RMST: variants seen among roughly 807,000 people sequenced by gnomAD.
The protein encoded by RMST is rhabdomyosarcoma 2 associated transcript.
At chr12:97,488,388 T>G (rs1249046703) in intron 5 of RMST, among the ~76,000 whole-genome samples, 4 of 152,310 alleles carry the variant, frequency 2.6e-5, no homozygotes, top group African/African-American at 9.6e-5. Flanking sequence ...GTTTTCAGTC[T>G]ACTCTCTTTG....
At chr12:97,505,903 A>T (rs1878610284) in intron 10 of RMST, among the ~76,000 whole-genome samples, 1 of 152,294 alleles carries the variant, frequency 6.6e-6, no homozygotes, top group Middle Eastern at 3.4e-3. Context: ...GTACCTGAAA[A>T]CCAGTTTATT....
At chr12:97,480,235 GCCCACCA>G (rs1482373909) in intron 5 of RMST, among the ~76,000 whole-genome samples, 1 of 151,576 alleles carries the variant, frequency 6.6e-6, no homozygotes, top group Admixed American at 6.6e-5. Context: ...GACTACAGGC[GCCCACCA>G]CCACGCCTGG....
At chr12:97,519,883 G>A (rs1430432458) in intron 10 of RMST, among the ~76,000 whole-genome samples, 1 of 152,126 alleles carries the variant, frequency 6.6e-6, no homozygotes, top group Non-Finnish European at 1.5e-5. Flanking sequence ...AATTTTCTGA[G>A]AATGGAAAAC....
At position 97,546,561 on chromosome 12, in the gene RMST, G is replaced by A. The variant is rs191389982; in HGVS notation, n.1546-13976G>A. 1.7e-3 allele frequency among the ~76,000 whole-genome samples: 254 copies of A among 152,124 alleles called. 2 individuals carry two copies. The highest frequency in any genetic ancestry group is 6.8e-3 in the Middle Eastern group (2 of 294). On this transcript the variant is annotated intron_variant and non_coding_transcript_variant, in intron 11 of 13. Transcript: ENST00000640149. ...CTCACCACTGCACTCCAGCCTGGGT[G>A]ACAGAACAAGACTCCATCTTGTAAG... is the stretch of plus-strand genomic sequence containing the variant.
chr12:97,472,160 G>T (rs1447071071), intron 5 of RMST, among the ~76,000 whole-genome samples: 1 of 152,052 alleles, frequency 6.6e-6, no homozygotes, highest in Non-Finnish European at 1.5e-5. Context: ...ATCTTTAAAA[G>T]AAATTCCATT....
At position 97,535,977 on chromosome 12, in the gene RMST, T is replaced by TTA. The variant is rs1468534936; in HGVS notation, n.1545+5118_1545+5119insTA. ...GCTTTTTAAAAAATTGTCTTTAAAA[T>TTA]GCTTGTGTTTACCTATCTTTCTTTT... is the stretch of plus-strand genomic sequence containing the variant. On this transcript the variant is annotated intron_variant and non_coding_transcript_variant, in intron 11 of 13. Transcript: ENST00000640149. Among the ~76,000 whole-genome samples, 113 of 151,728 alleles carry TTA rather than the reference T, an allele frequency of 7.4e-4. No individual in the cohort carries two copies. The South Asian group carries it at 0.022, about 29-fold the overall frequency.
chr12:97,518,082 G>C (rs1321147284), intron 10 of RMST, among the ~76,000 whole-genome samples: 1 of 152,080 alleles, frequency 6.6e-6, no homozygotes, highest in Non-Finnish European at 1.5e-5. Flanking sequence ...GGTTAGAATT[G>C]AGTAAGACCT....
chr12:97,554,921 G>A (rs911271325), intron 11 of RMST, among the ~76,000 whole-genome samples: 1 of 152,300 alleles, frequency 6.6e-6, no homozygotes. Context: ...GCTGGCATGT[G>A]ATATGAAAGC....
intron 5 of RMST, among the ~76,000 whole-genome samples, chr12:97,482,695 T>TAAA (rs1565919209): frequency 1.4e-5 from 1 of 71,732 alleles, no homozygotes; most frequent in African/African-American, 8.0e-5. Flanking sequence ...TTATTATTTA[T>TAAA]TTAATAAATA....
At chr12:97,510,587 CTTAG>C (rs1879172399) in intron 10 of RMST, among the ~76,000 whole-genome samples, 1 of 152,154 alleles carries the variant, frequency 6.6e-6, no homozygotes, top group South Asian at 2.1e-4. Flanking sequence ...ACAGTAGAAT[CTTAG>C]TTATTCTATT....
intron 10 of RMST, among the ~76,000 whole-genome samples, chr12:97,512,798 C>T (rs1879518755): frequency 6.6e-6 from 1 of 152,234 alleles, no homozygotes; most frequent in Admixed American, 6.5e-5. Context: ...CTCCTTAGCC[C>T]TTGGGTGGTC....
intron 10 of RMST, among the ~76,000 whole-genome samples, chr12:97,497,942 A>G (rs1877633746): frequency 6.6e-6 from 1 of 152,130 alleles, no homozygotes; most frequent in Admixed American, 6.6e-5. Flanking sequence ...GACCCCTTGA[A>G]CAGATTCATC....
chr12:97,482,678 A>T (rs12228694), intron 5 of RMST, among the ~76,000 whole-genome samples: 4 of 122,052 alleles, frequency 3.3e-5, no homozygotes, highest in Non-Finnish European at 5.1e-5. Context: ...TTTAATATTT[A>T]ATTTATTTAT....
chr12:97,547,100 C>G (rs190435775), intron 11 of RMST, among the ~76,000 whole-genome samples: 9 of 151,326 alleles, frequency 5.9e-5, no homozygotes, highest in Non-Finnish European at 4.4e-5. Flanking sequence ...CATGAAATAG[C>G]CAGGCATAGA....
intron 5 of RMST, among the ~76,000 whole-genome samples, chr12:97,477,644 G>A (rs1874714692): frequency 6.6e-6 from 1 of 152,190 alleles, no homozygotes; most frequent in Admixed American, 6.5e-5. Context: ...CATAGAGCAG[G>A]ACTGAGTAAG....
At chr12:97,497,471 T>C (rs1764560547) in intron 10 of RMST, among the ~76,000 whole-genome samples, 1 of 152,160 alleles carries the variant, frequency 6.6e-6, no homozygotes, top group African/African-American at 2.4e-5. Context: ...ACTTCTCTGT[T>C]TAAGTATAGC....
chr12:97,538,337 G>C (rs1256419747), intron 11 of RMST, among the ~76,000 whole-genome samples: 1 of 151,140 alleles, frequency 6.6e-6, no homozygotes, highest in Non-Finnish European at 1.5e-5. Flanking sequence ...TTTGTCTTTG[G>C]TTTCCATTAC....
chr12:97,519,800 T>C (rs1880324190), intron 10 of RMST, among the ~76,000 whole-genome samples: 1 of 152,190 alleles, frequency 6.6e-6, no homozygotes, highest in South Asian at 2.1e-4. Context: ...TTATATAATT[T>C]GGTTTTGCTT....
chr12:97,494,080 T>C (rs558235675), intron 8 of RMST: 1 of 152,324 alleles, frequency 6.6e-6, no homozygotes, highest in Admixed American at 6.5e-5. Context: ...AAGTGGCTTC[T>C]GGAGCTCATA....
Sources: allele counts gnomAD v4.1 joint callset (sites outside exome capture counted in the v4.1 genomes callset), GRCh38; gene constraint gnomAD v4.1.1; transcripts MANE v1.5; gene names NCBI Gene and HGNC (gene_info 2026-07-23, HGNC 2026-07-21).